CD180: variants seen among roughly 807,000 people sequenced by gnomAD.
The protein encoded by CD180 is CD180 molecule.
Under a neutral mutation model 10.7 loss-of-function variants are expected in CD180, and 11 were observed. That is an observed-to-expected ratio of 1.03 (90% CI 0.65 to 1.70). CD180 has a LOEUF of 1.70. Ranked by LOEUF, CD180 falls within the 40% of genes most tolerant of loss-of-function variation. CD180 has a pLI of 0.00. For synonymous variants in CD180, 286 were observed against 294.6 expected (o/e 0.97, Z 0.30); for missense variants, 729 against 775.2 (o/e 0.94, Z 0.71).
At chr5:67,185,767 A>G in intron 2 of CD180, 84 bp downstream of exon 2, 1 of 1,072,602 alleles carries the variant, frequency 9.3e-7, no homozygotes, top group Non-Finnish European at 1.3e-6. Flanking sequence ...GGGCCCCCCA[A>G]AAAGGTCCTG....
intron 1 of CD180, 83 bp from the exon 2 acceptor site, chr5:67,186,100 C>T (rs371321890): frequency 4.8e-5 from 42 of 873,774 alleles, no homozygotes; most frequent in Middle Eastern, 3.5e-4. Flanking sequence ...TTTTACCTTC[C>T]GAGCGGCAAT....
At chr5:67,190,610 G>A (rs1305086995) in intron 1 of CD180, among the ~76,000 whole-genome samples, 2 of 152,224 alleles carry the variant, frequency 1.3e-5, no homozygotes, top group Non-Finnish European at 2.9e-5. Context: ...CTGTGGCAAG[G>A]CCACGTGGTA....
Position 67,182,604 on chromosome 5 carries a change from C to A in CD180, c.*253G>T, listed in dbSNP as rs1742070420. The A allele has an allele frequency of 6.4e-6, 2 of 311,470 alleles. No individual in the cohort carries two copies. The highest frequency in any genetic ancestry group is 1.2e-5 in the Non-Finnish European group (2 of 169,632). The allele number at this position is 311,470 out of a possible 1,614,324, so 19.3% of individuals were successfully genotyped here. ...CCCTCTGCTTCCTCCCACTCTTCCACATGCGGAAAGGGCTCTGTGCCTCTC... is the reference window on the plus strand; with the variant it reads ...CCCTCTGCTTCCTCCCACTCTTCCAAATGCGGAAAGGGCTCTGTGCCTCTC... On this transcript the variant is annotated 3_prime_UTR_variant, in exon 3 of 3. Coordinates refer to ENST00000256447, the MANE Select transcript of CD180 (RefSeq NM_005582.3).
chr5:67,194,551 T>C (rs1742365800), intron 1 of CD180, among the ~76,000 whole-genome samples: 1 of 152,172 alleles, frequency 6.6e-6, no homozygotes, highest in African/African-American at 2.4e-5. Context: ...CCCACCAAAC[T>C]ATCCTTGAAA....
intron 2 of CD180, among the ~76,000 whole-genome samples, chr5:67,185,513 T>C (rs1742175916): frequency 6.6e-6 from 1 of 152,174 alleles, no homozygotes; most frequent in Non-Finnish European, 1.5e-5. Context: ...TTTTCTTAAA[T>C]GTAATTACCC....
At position 67,184,401 on chromosome 5, in the gene CD180, G is replaced by C; in HGVS notation, c.442C>G (p.Leu148Val). 6.2e-7 allele frequency: 1 copy of C among 1,613,818 alleles called. No homozygotes were observed. The highest frequency in any genetic ancestry group is 8.5e-7 in the Non-Finnish European group (1 of 1,179,688). Residue 148 changes from leucine to valine, a missense_variant, in exon 3 of 3, where the codon CTG becomes GTG. By Grantham distance (32) the Leu-to-Val change is conservative (BLOSUM62 1). Transcript: ENST00000256447. ...SNLEFIPVHN[L>V]ENLESLYLGS... ...AGATACAAGCTTTCCAAGTTTTCCA[G>C]ATTGTGCACTGGAATAAACTCGAGA...
chr5:67,194,168 C>T (rs1459363026), intron 1 of CD180, among the ~76,000 whole-genome samples: 4 of 152,164 alleles, frequency 2.6e-5, no homozygotes, highest in African/African-American at 7.2e-5. Flanking sequence ...ATACTTTAAC[C>T]TTAAAGCAAG....
Position 67,183,417 on chromosome 5 carries a change from A to G in CD180, c.1426T>C (p.Leu476=). 2.5e-6 allele frequency: 4 copies of G among 1,614,232 alleles called. No individual in the cohort carries two copies. The highest frequency in any genetic ancestry group is 3.4e-6 in the Non-Finnish European group (4 of 1,180,034). ...CCATCTTGAAAGTGATTCCCTTTTAAGTTGAGATGCCGGAGAACTGGTAGG... is the reference window on the plus strand; with the variant it reads ...CCATCTTGAAAGTGATTCCCTTTTAGGTTGAGATGCCGGAGAACTGGTAGG... ...AGLPVLRHLN[L]KGNHFQDGTI... Residue 476 remains leucine, a synonymous_variant, in exon 3 of 3, where the codon TTA becomes CTA. Coordinates refer to ENST00000256447, the MANE Select transcript of CD180 (RefSeq NM_005582.3).
At chr5:67,187,467 G>A (rs558005892) in intron 1 of CD180, among the ~76,000 whole-genome samples, 2 of 152,326 alleles carry the variant, frequency 1.3e-5, no homozygotes, top group African/African-American at 2.4e-5. Context: ...CATAAGTACA[G>A]ATAACTTCCT....
Position 67,183,600 on chromosome 5 carries a change from C to A in CD180, c.1243G>T (p.Ala415Ser), listed in dbSNP as rs769368678. The A allele has an allele frequency of 6.2e-6, 10 of 1,614,144 alleles. No homozygotes were observed. Among genetic ancestry groups the A allele is most frequent in the Middle Eastern group, 1.6e-4 (1 of 6,062 alleles). ...TCTAGCTGAGGACATTCTTTGAATG[C>A]CTGACTCTGGAGACCAAGAGGCTCA... ...HNEPLGLQSQ[A>S]FKECPQLELL... Residue 415 changes from alanine to serine, a missense_variant, in exon 3 of 3, where the codon GCA (alanine) becomes TCA (serine). Transcript: ENST00000256447.
intron 1 of CD180, among the ~76,000 whole-genome samples, chr5:67,192,232 T>C (rs1742321683): frequency 6.6e-6 from 1 of 151,794 alleles, no homozygotes; most frequent in South Asian, 2.1e-4. Flanking sequence ...CTACTAAAAA[T>C]ACAAAAAAAT....
chr5:67,196,783 G>T lies in CD180; in HGVS notation c.-142C>A. The stretch of plus-strand genomic sequence containing the variant: ...AACAAGAAATGCTGTTGACTGCTCA[G>T]CATTCTGTGGCTCTGTGCTGGAAAA... On this transcript the variant is annotated 5_prime_UTR_variant, in exon 1 of 3. In the 5' UTR this introduces an upstream ATG that the reference lacks. Transcript: ENST00000256447. 1.6e-6 allele frequency: 1 copy of T among 628,120 alleles called. No individual in the cohort carries two copies. Among genetic ancestry groups the T allele is most frequent in the Non-Finnish European group, 2.5e-6 (1 of 402,826 alleles). 38.9% of individuals were successfully genotyped at this position (628,120 alleles called of 1,614,324 possible). A position where few individuals can be genotyped will look rare whatever the true frequency, so the allele number is the denominator to read the frequency against.
chr5:67,191,910 T>TA (rs1358933760), intron 1 of CD180, among the ~76,000 whole-genome samples: 11 of 152,136 alleles, frequency 7.2e-5, no homozygotes, highest in African/African-American at 2.7e-4. Context: ...TACTTGTATG[T>TA]AAAAAACAAA....
intron 1 of CD180, among the ~76,000 whole-genome samples, chr5:67,192,035 C>G (rs1302852035): frequency 6.6e-6 from 1 of 152,102 alleles, no homozygotes; most frequent in East Asian, 1.9e-4. Context: ...GCAAAGATTT[C>G]TTAAACAGGA....
At chr5:67,187,058 A>G (rs1418673321) in intron 1 of CD180, among the ~76,000 whole-genome samples, 4 of 152,346 alleles carry the variant, frequency 2.6e-5, no homozygotes, top group Admixed American at 6.5e-5. Context: ...TTGAATGAGG[A>G]CAGTATTCAA....
chr5:67,184,596 T>C lies in CD180; in HGVS notation c.258-11A>G. ...CAGTTAATCTGGCACCTTGAAAAGA[T>C]AATCGTATTTAACAATAATTCATTT... On this transcript the variant is annotated splice_polypyrimidine_tract_variant and intron_variant, in intron 2 of 2. Coordinates refer to ENST00000256447, the MANE Select transcript of CD180 (RefSeq NM_005582.3). The C allele has an allele frequency of 1.3e-6, 2 of 1,569,350 alleles. No homozygotes were observed. The highest frequency in any genetic ancestry group is 2.3e-5 in the South Asian group (2 of 85,840).
rs1167233771 is a variant in CD180 at position 67,180,199 on chromosome 5, A to G, written c.*2658T>C. 6.6e-6 allele frequency: 1 copy of G among 152,276 alleles called. No individual in the cohort carries two copies. The highest frequency in any genetic ancestry group is 2.4e-5 in the African/African-American group (1 of 41,480). 9.4% of individuals were successfully genotyped at this position (152,276 alleles called of 1,614,324 possible). A position where few individuals can be genotyped will look rare whatever the true frequency, so the allele number is the denominator to read the frequency against. On this transcript the variant is annotated 3_prime_UTR_variant, in exon 3 of 3. Coordinates refer to ENST00000256447, the MANE Select transcript of CD180 (RefSeq NM_005582.3). ...AGAAGTGAAAGCAGGATGGGCAATTATGCTTTGCTAAGGCCTGGGCCCCTT... is the reference window on the plus strand; with the variant it reads ...AGAAGTGAAAGCAGGATGGGCAATTGTGCTTTGCTAAGGCCTGGGCCCCTT...
In CD180 at chr5:67,185,075, C is replaced by CAT. The variant is rs1411299055; in HGVS notation, c.258-491_258-490insAT. Among the ~76,000 whole-genome samples the CAT allele has an allele frequency of 2.0e-3, 303 of 151,956 alleles. 4 individuals carry two copies. The highest frequency in any genetic ancestry group is 6.7e-3 in the African/African-American group (279 of 41,406). ...AAAAATACTGGATCACACACACACA[C>CAT]ACACACACACACACACAGATGGCCT... On this transcript the variant is annotated intron_variant, in intron 2 of 2. Coordinates refer to ENST00000256447, the MANE Select transcript of CD180 (RefSeq NM_005582.3).
Position 67,185,918 on chromosome 5 carries a change from A to T in CD180, c.190T>A (p.Phe64Ile). The T allele has an allele frequency of 1.9e-6, 3 of 1,612,156 alleles. No homozygotes were observed. The highest frequency in any genetic ancestry group is 2.2e-5 in the East Asian group (1 of 44,746). Residue 64 changes from phenylalanine to isoleucine, a missense_variant, in exon 2 of 3, where the codon TTT becomes ATT. Phe to Ile is a conservative substitution (Grantham distance 21). Transcript: ENST00000256447. Reference sequence around the variant, plus strand: ...GTTCTATTGTGAATTGTAGGCAAAAAATTAAAGCTGAATTCCAAAAATTCT... The same window carrying T: ...GTTCTATTGTGAATTGTAGGCAAAATATTAAAGCTGAATTCCAAAAATTCT... ...TTEFLEFSFN[F>I]LPTIHNRTFS...
Sources: allele counts gnomAD v4.1 joint callset (sites outside exome capture counted in the v4.1 genomes callset), GRCh38; gene constraint gnomAD v4.1.1; transcripts MANE v1.5; gene names NCBI Gene and HGNC (gene_info 2026-07-23, HGNC 2026-07-21).